The following RNGTT variants were observed in gnomAD, a reference collection of about 807,000 sequenced individuals.
RNGTT encodes the protein RNA guanylyltransferase and 5'-phosphatase, also known as mRNA-capping enzyme.
In RNGTT, 33 loss-of-function variants were observed where a neutral mutation model predicts 79.3. That is an observed-to-expected ratio of 0.42 (90% CI 0.32 to 0.56). The LOEUF (loss-of-function observed/expected upper bound fraction) is 0.56. RNGTT is among the 20% of genes least tolerant of loss of function. The probability of loss-of-function intolerance (pLI) is 0.17; values close to 1 mark genes in which losing one functional copy is unlikely to be tolerated. For missense variants in RNGTT, 497 were observed against 739.1 expected, an observed-to-expected ratio of 0.67 and a Z score of 3.80; for synonymous variants, 222 against 235.9, an observed-to-expected ratio of 0.94 and a Z score of 0.54.
intron 8 of RNGTT, among the ~76,000 whole-genome samples, chr6:88,872,489 A>T (rs4259231): frequency 0.095 from 14,496 of 152,312 alleles, 887 homozygotes; most frequent in Middle Eastern, 0.2. Flanking sequence ...ACTATAGTCA[A>T]CAATAACTTA....
chr6:88,872,305 C>T (rs1322114285), intron 8 of RNGTT, among the ~76,000 whole-genome samples: 1 of 152,100 alleles, frequency 6.6e-6, no homozygotes, highest in Non-Finnish European at 1.5e-5. Context: ...GAACTGAGGC[C>T]TGCCATCAAC....
chr6:88,653,986 T>TG (rs988135301), intron 14 of RNGTT, among the ~76,000 whole-genome samples: 28 of 152,212 alleles, frequency 1.8e-4, no homozygotes, highest in African/African-American at 6.3e-4. Context: ...CAAAAGCACC[T>TG]GGGTAGGAGA....
At chr6:88,697,635 C>T (rs927640233) in intron 13 of RNGTT, among the ~76,000 whole-genome samples, 2 of 151,542 alleles carry the variant, frequency 1.3e-5, no homozygotes, top group South Asian at 4.2e-4. Flanking sequence ...AGGTCGAAGT[C>T]GGCAGATTGA....
At chr6:88,906,322 T>C (rs975244084) in intron 5 of RNGTT, 43 bp downstream of exon 5, 55 of 1,323,444 alleles carry the variant, frequency 4.2e-5, no homozygotes, top group Non-Finnish European at 5.6e-5. Flanking sequence ...AATAAAATTT[T>C]TTATTACAAA....
chr6:88,651,653 C>T (rs1161794104), intron 14 of RNGTT, among the ~76,000 whole-genome samples: 14 of 151,806 alleles, frequency 9.2e-5, no homozygotes, highest in Non-Finnish European at 8.8e-5. Flanking sequence ...ATGGTTGTAA[C>T]ATTTCACAAT....
chr6:88,779,860 G>A (rs1225840481), intron 12 of RNGTT, among the ~76,000 whole-genome samples: 5 of 152,126 alleles, frequency 3.3e-5, no homozygotes, highest in African/African-American at 1.2e-4. Context: ...AGGCATGGTG[G>A]TGCATGTTTG....
At chr6:88,921,302 T>C (rs1048553831) in intron 4 of RNGTT, among the ~76,000 whole-genome samples, 5 of 151,620 alleles carry the variant, frequency 3.3e-5, no homozygotes, top group Admixed American at 6.6e-5. Flanking sequence ...CTGGGTGACA[T>C]AGTGAGACCT....
chr6:88,728,323 C>T (rs958965631), intron 13 of RNGTT, among the ~76,000 whole-genome samples: 4 of 152,168 alleles, frequency 2.6e-5, no homozygotes, highest in African/African-American at 9.7e-5. Flanking sequence ...TACCTCTGTC[C>T]CTCCTGACTC....
intron 1 of RNGTT, among the ~76,000 whole-genome samples, chr6:88,960,462 G>A (rs932591839): frequency 8.5e-5 from 13 of 152,142 alleles, no homozygotes; most frequent in Admixed American, 2.0e-4. Context: ...GGCTGGGTGC[G>A]GTAGCTCACA....
intron 8 of RNGTT, among the ~76,000 whole-genome samples, chr6:88,878,167 C>T (rs1386562726): frequency 1.3e-5 from 2 of 152,020 alleles, no homozygotes; most frequent in African/African-American, 4.8e-5. Context: ...ACAATCTCGG[C>T]TCACTGCAAC....
At chr6:88,757,153 G>C (rs1331311046) in intron 13 of RNGTT, among the ~76,000 whole-genome samples, 1 of 152,130 alleles carries the variant, frequency 6.6e-6, no homozygotes, top group Non-Finnish European at 1.5e-5. Context: ...TCATGTATTT[G>C]CTATGTCCGA....
intron 12 of RNGTT, among the ~76,000 whole-genome samples, chr6:88,793,233 A>C (rs747725261): frequency 2.7e-5 from 4 of 148,384 alleles, no homozygotes; most frequent in Non-Finnish European, 5.9e-5. Context: ...TAAAACATTA[A>C]GAAACAAAGA....
intron 11 of RNGTT, among the ~76,000 whole-genome samples, chr6:88,828,759 G>A (rs538662040): frequency 8.6e-5 from 13 of 151,572 alleles, no homozygotes; most frequent in Non-Finnish European, 1.0e-4. Context: ...ATCAACAGCC[G>A]AATCTATCAA....
rs9451100 is a variant in RNGTT, at chr6:88,906,559, T to A, written c.368-119A>T. ...TAGTTTATAAAATAATTACATTTTT[T>A]AATTTTTTAACTTGAAACACCCTTA... On this transcript the variant is annotated intron_variant, in intron 4 of 15. Coordinates refer to ENST00000369485, the MANE Select transcript of RNGTT (RefSeq NM_003800.5). The A allele has an allele frequency of 0.012, 6,985 of 601,988 alleles. 406 individuals are homozygous for A. In the African/African-American group the frequency reaches 0.12, roughly 10 times the overall value. The allele number at this position is 601,988 out of a possible 1,614,324, so 37.3% of individuals were successfully genotyped here.
intron 1 of RNGTT, among the ~76,000 whole-genome samples, chr6:88,958,094 C>G (rs946211367): frequency 1.3e-5 from 2 of 152,154 alleles, no homozygotes; most frequent in Non-Finnish European, 2.9e-5. Flanking sequence ...GCCAACTGAT[C>G]TTTGACAAAG....
chr6:88,654,429 C>A (rs1283817195), intron 14 of RNGTT, among the ~76,000 whole-genome samples: 1 of 152,142 alleles, frequency 6.6e-6, no homozygotes, highest in South Asian at 2.1e-4. Context: ...GAAGATCTTA[C>A]CTTTATTTCT....
chr6:88,662,964 A>G (rs1480749243), intron 14 of RNGTT, among the ~76,000 whole-genome samples: 2 of 152,160 alleles, frequency 1.3e-5, no homozygotes, highest in Non-Finnish European at 2.9e-5. Flanking sequence ...CATTTTGACT[A>G]GATTTGAACT....
intron 8 of RNGTT, among the ~76,000 whole-genome samples, chr6:88,860,752 TC>T (rs1372116256): frequency 6.6e-6 from 1 of 151,456 alleles, no homozygotes; most frequent in Non-Finnish European, 1.5e-5. Context: ...AAGCGGAGAA[TC>T]ACTTGAGGCC....
chr6:88,896,346 A>G (rs1303888007), intron 6 of RNGTT, among the ~76,000 whole-genome samples: 2 of 152,140 alleles, frequency 1.3e-5, no homozygotes, highest in Non-Finnish European at 2.9e-5. Flanking sequence ...CCCTAACTCA[A>G]TCTGAAGCCA....
Sources: gnomAD v4.1 joint callset for allele counts (sites outside exome capture counted in the v4.1 genomes callset) on GRCh38, gnomAD v4.1.1 for gene constraint, MANE v1.5 for transcripts, NCBI Gene and HGNC (gene_info 2026-07-23, HGNC 2026-07-21) for gene names.